The following CAPN7 variants were observed in gnomAD, a reference collection of about 807,000 sequenced individuals.
CAPN7 encodes the protein calpain 7.
A neutral mutation model predicts 115.2 loss-of-function variants in CAPN7; 72 were observed. The ratio of observed to expected loss-of-function variants is 0.63; its 90% CI spans 0.52 to 0.76. CAPN7 has a LOEUF of 0.76. CAPN7 is among the 30% of genes least tolerant of loss of function. The pLI is 0.00. For synonymous variants in CAPN7, 344 were observed against 322.3 expected (o/e 1.07, Z -0.72); for missense variants, 905 against 971.5 (o/e 0.93, Z 0.91).
At chr3:15,237,778 T>C (rs1446095798) in intron 12 of CAPN7, among the ~76,000 whole-genome samples, 1 of 152,022 alleles carries the variant, frequency 6.6e-6, no homozygotes, top group African/African-American at 2.4e-5. Flanking sequence ...AAGACCAGCC[T>C]GAGCAACATA....
chr3:15,245,536 T>A lies in CAPN7; in HGVS notation c.1875T>A (p.Pro625=). ...CTTGTTTGTTTGCAGCTGACCCACC[T>A]CCATACATTGATGGAATTCGAATTA... ...GKKVYYPADP[P]PYIDGIRINS... The change falls in exon 17 of 21, where the codon CCT becomes CCA. Residue 625 remains proline, a synonymous_variant. Coordinates refer to ENST00000253693, the MANE Select transcript of CAPN7 (RefSeq NM_014296.3). 6.2e-7 allele frequency: 1 copy of A among 1,613,470 alleles called. No homozygotes were observed. Among genetic ancestry groups the A allele is most frequent in the Non-Finnish European group, 8.5e-7 (1 of 1,179,780 alleles).
chr3:15,209,510 C>G (rs1575149473), intron 1 of CAPN7, among the ~76,000 whole-genome samples: 1 of 152,216 alleles, frequency 6.6e-6, no homozygotes, highest in East Asian at 1.9e-4. Flanking sequence ...TTGAATTAAT[C>G]TAGCTATTTT....
chr3:15,243,461 G>A (rs1464676733), intron 16 of CAPN7, among the ~76,000 whole-genome samples: 1 of 152,172 alleles, frequency 6.6e-6, no homozygotes, highest in African/African-American at 2.4e-5. Context: ...GGAGTTTGAA[G>A]ATAGGACTGC....
At chr3:15,219,655 C>A (rs1419339852) in intron 4 of CAPN7, among the ~76,000 whole-genome samples, 1 of 152,180 alleles carries the variant, frequency 6.6e-6, no homozygotes, top group African/African-American at 2.4e-5. Flanking sequence ...CTTATGGATC[C>A]ATTCTCTAGG....
intron 2 of CAPN7, among the ~76,000 whole-genome samples, chr3:15,217,074 C>CA (rs11286121): frequency 0.017 from 1,950 of 113,440 alleles, 50 homozygotes; most frequent in African/African-American, 0.047. Flanking sequence ...CCCATCTCTA[C>CA]AAAAAAAAAA....
intron 16 of CAPN7, 98 bp from the exon 17 acceptor site, chr3:15,245,428 A>G: frequency 1.9e-6 from 2 of 1,071,430 alleles, no homozygotes; most frequent in Non-Finnish European, 2.7e-6. Context: ...AGAATCAGTT[A>G]AGGAGATGTC....
At chr3:15,209,594 A>T (rs913920078) in intron 1 of CAPN7, among the ~76,000 whole-genome samples, 12 of 152,192 alleles carry the variant, frequency 7.9e-5, no homozygotes, top group African/African-American at 2.4e-4. Flanking sequence ...ATTCTATTAT[A>T]ATCTGCTTTA....
intron 11 of CAPN7, among the ~76,000 whole-genome samples, chr3:15,234,522 G>C (rs1292479176): frequency 6.6e-6 from 1 of 152,080 alleles, no homozygotes; most frequent in African/African-American, 2.4e-5. Flanking sequence ...ATTAGAATAT[G>C]TAATATAGAA....
chr3:15,217,717 C>G (rs1169635053), intron 3 of CAPN7, 135 bp downstream of exon 3: 1 of 613,718 alleles, frequency 1.6e-6, no homozygotes, highest in Non-Finnish European at 2.5e-6. Context: ...AACAACTACT[C>G]CTCAATATAA....
intron 2 of CAPN7, among the ~76,000 whole-genome samples, chr3:15,214,916 G>T (rs1055244858): frequency 3.9e-5 from 6 of 152,192 alleles, no homozygotes; most frequent in Non-Finnish European, 8.8e-5. Flanking sequence ...CTGCTGGGTG[G>T]CAAGGAATAT....
intron 12 of CAPN7, among the ~76,000 whole-genome samples, chr3:15,239,581 A>G (rs1034946406): frequency 1.3e-5 from 2 of 152,226 alleles, no homozygotes; most frequent in East Asian, 1.9e-4. Context: ...ATAGGATACT[A>G]TTTGTTTTAA....
chr3:15,207,020 A>G (rs1301230927), intron 1 of CAPN7, among the ~76,000 whole-genome samples: 3 of 152,246 alleles, frequency 2.0e-5, no homozygotes, highest in African/African-American at 7.2e-5. Flanking sequence ...CTGTCATAGC[A>G]TTTGACATAC....
intron 4 of CAPN7, among the ~76,000 whole-genome samples, chr3:15,219,363 C>G (rs150693061): frequency 6.6e-6 from 1 of 152,140 alleles, no homozygotes; most frequent in African/African-American, 2.4e-5. Context: ...GAGGCTCTGA[C>G]CTGATAGATA....
rs1321095097 is a variant in CAPN7, at chr3:15,218,555, T to C, written c.437+15T>C. On this transcript the variant is annotated intron_variant, in intron 4 of 20. Transcript: ENST00000253693. ...GCACTAGACAGGTGAGTTTGATCTC[T>C]CAAGTTCTAATCCATGGATGGCACT... 1.3e-6 allele frequency: 2 copies of C among 1,592,272 alleles called. No homozygotes were observed. The highest frequency in any genetic ancestry group is 2.7e-5 in the African/African-American group (2 of 74,578).
In CAPN7 at chr3:15,217,427, C is replaced by A; in HGVS notation, c.214C>A (p.Gln72Lys). 1 of 1,605,682 alleles carries A rather than the reference C, an allele frequency of 6.2e-7. No homozygotes were observed. Among genetic ancestry groups the A allele is most frequent in the Non-Finnish European group, 8.5e-7 (1 of 1,176,538 alleles). ...GCGTATTTTTTTTTCTATCCTAGTT[C>A]AGTCAAAGAGTGCTGATCCTTTGAA... ...ERVQALHSAV[Q>K]SKSADPLKSK... The change falls in exon 3 of 21, where the codon CAG (glutamine) becomes AAG (lysine). Residue 72 changes from glutamine to lysine, a missense_variant and splice_region_variant. Around this residue, in one of 3 missense-constraint regions of CAPN7, gnomAD observed 271 missense variants for 239.6 expected, o/e 1.13. Coordinates refer to ENST00000253693, the MANE Select transcript of CAPN7 (RefSeq NM_014296.3).
chr3:15,241,460 G>T lies in CAPN7; in HGVS notation c.1660G>T (p.Asp554Tyr). The T allele has an allele frequency of 6.2e-7, 1 of 1,613,492 alleles. No homozygotes were observed. Among genetic ancestry groups the T allele is most frequent in the East Asian group, 2.2e-5 (1 of 44,878 alleles). Residue 554 changes from aspartate (D) to tyrosine (Y), a missense_variant, in exon 15 of 21, where the codon GAT becomes TAT. Physicochemically the swap from Asp to Tyr is radical, Grantham distance 160. Transcript: ENST00000253693. ...KESTCIHSTW[D>Y]AKQGPVKDAY... Reference sequence around the variant, plus strand: ...GTTGACTTTATCTTTTAGTACTTGGGATGCTAAGCAAGGACCTGTGAAAGA... The same window carrying T: ...GTTGACTTTATCTTTTAGTACTTGGTATGCTAAGCAAGGACCTGTGAAAGA...
In CAPN7 at chr3:15,206,365, C is replaced by G. The variant is rs562855482; in HGVS notation, c.-131C>G. ...AACGGGAAGGCGAGCTCTCCTCCAC[C>G]GTCCAAAGTAAACTTTGCCGCTCCT... On this transcript the variant is annotated 5_prime_UTR_variant, in exon 1 of 21. Transcript: ENST00000253693. 5 of 648,628 alleles carry G rather than the reference C, an allele frequency of 7.7e-6. No individual in the cohort carries two copies. Among genetic ancestry groups the G allele is most frequent in the South Asian group, 7.6e-5 (4 of 52,890 alleles). 40.2% of individuals were successfully genotyped at this position (648,628 alleles called of 1,614,324 possible). A position where few individuals can be genotyped will look rare whatever the true frequency, so the allele number is the denominator to read the frequency against.
chr3:15,217,515 A>T lies in CAPN7; in HGVS notation c.302A>T (p.Asp101Val). ...HFLVTQAFDE[D>V]EKENVEDAIE... ...CTTGTTACACAAGCTTTTGATGAAG[A>T]TGAAAAAGAGAATGTTGAAGATGCT... Residue 101 changes from aspartate to valine, a missense_variant, in exon 3 of 21, where the codon GAT becomes GTT. Around this residue, in one of 3 missense-constraint regions of CAPN7, gnomAD observed 271 missense variants for 239.6 expected, o/e 1.13. Transcript: ENST00000253693. 1 of 1,613,946 alleles carries T rather than the reference A, an allele frequency of 6.2e-7. No homozygotes were observed. Among genetic ancestry groups the T allele is most frequent in the Non-Finnish European group, 8.5e-7 (1 of 1,179,910 alleles).
intron 6 of CAPN7, among the ~76,000 whole-genome samples, chr3:15,226,705 A>G (rs576857960): frequency 9.8e-4 from 150 of 152,302 alleles, no homozygotes; most frequent in Non-Finnish European, 1.7e-3. Context: ...GTTATATGCC[A>G]TATTCTATTT....
Sources: gnomAD v4.1 joint callset for allele counts (sites outside exome capture counted in the v4.1 genomes callset) on GRCh38, gnomAD v4.1.1 for gene constraint, gnomAD v4.1.1 regional missense constraint, MANE v1.5 for transcripts, NCBI Gene and HGNC (gene_info 2026-07-23, HGNC 2026-07-21) for gene names.